Variants in GATAD2A observed in about 807,000 individuals in gnomAD.
The protein encoded by GATAD2A is GATA zinc finger domain containing 2A, also known as transcriptional repressor p66-alpha.
A neutral mutation model predicts 68.5 loss-of-function variants in GATAD2A; 12 were observed. The ratio of observed to expected loss-of-function variants is 0.18; its 90% CI spans 0.11 to 0.28. The LOEUF (loss-of-function observed/expected upper bound fraction) is 0.28, where lower values mean the gene tolerates loss of function less well. Ranked by LOEUF, GATAD2A falls within the 10% of genes least tolerant of loss-of-function variation. The probability of loss-of-function intolerance (pLI) is 1.00; values close to 1 mark genes in which losing one functional copy is unlikely to be tolerated. For synonymous variants in GATAD2A, 410 were observed against 375.3 expected, an observed-to-expected ratio of 1.09 and a Z score of -1.07; for missense variants, 755 against 868.5, an observed-to-expected ratio of 0.87 and a Z score of 1.64.
At position 19,415,812 on chromosome 19, in the gene GATAD2A, A is replaced by T. The variant is rs150380367; in HGVS notation, c.-7+9793A>T. ...TTTGTATTTTTGGTAGAGACAGGGT[A>T]TCACCATGTTGGCCAGGATGGTCTT... On this transcript the variant is annotated intron_variant, in intron 1 of 11. Transcript: ENST00000683918. Among the ~76,000 whole-genome samples the T allele has an allele frequency of 5.3e-3, 799 of 151,706 alleles. 6 individuals are homozygous for T. The highest frequency in any genetic ancestry group is 0.041 in the South Asian group (197 of 4,792).
At chr19:19,480,630 A>G (rs977634577) in intron 2 of GATAD2A, among the ~76,000 whole-genome samples, 2 of 152,150 alleles carry the variant, frequency 1.3e-5, no homozygotes, top group Non-Finnish European at 2.9e-5. Flanking sequence ...ATCGCATTTC[A>G]TGACTGCCCC....
intron 1 of GATAD2A, among the ~76,000 whole-genome samples, chr19:19,394,044 G>T (rs1170752720): frequency 6.6e-6 from 1 of 151,786 alleles, no homozygotes. Context: ...CTGCCACCAC[G>T]GCTGGCTAAT....
At chr19:19,403,951 C>T (rs1015151986), upstream of GATAD2A, among the ~76,000 whole-genome samples, 3 of 152,136 alleles carry the variant, frequency 2.0e-5, no homozygotes, top group African/African-American at 7.2e-5. Context: ...TGAATTTGAA[C>T]ATTTGAATTT....
chr19:19,492,823 A>T, intron 4 of GATAD2A, 111 bp downstream of exon 4: 1 of 1,059,320 alleles, frequency 9.4e-7, no homozygotes, highest in Non-Finnish European at 1.4e-6. Flanking sequence ...TTGAGGGAGT[A>T]TAGGGCAAGG....
At chr19:19,404,388 A>G (rs1338484634), upstream of GATAD2A, among the ~76,000 whole-genome samples, 1 of 152,190 alleles carries the variant, frequency 6.6e-6, no homozygotes, top group Non-Finnish European at 1.5e-5. Context: ...TAGAATAGAA[A>G]TAACAGTACA....
In GATAD2A at chr19:19,484,524, T is replaced by C. The variant is rs535980771; in HGVS notation, c.270-7782T>C. Among the ~76,000 whole-genome samples the C allele has an allele frequency of 8.3e-4, 122 of 146,780 alleles. 3 individuals carry two copies. In the South Asian group the frequency reaches 0.019, roughly 23 times the overall value. On this transcript the variant is annotated intron_variant, in intron 2 of 11. Coordinates refer to ENST00000683918, the MANE Select transcript of GATAD2A (RefSeq NM_001384528.1). ...TCACAGGATTTTTCTTTTTCTTTTTTTTTTTTTCTTTTTTTTTTTTTTTTT... is the reference window on the plus strand; with the variant it reads ...TCACAGGATTTTTCTTTTTCTTTTTCTTTTTTTCTTTTTTTTTTTTTTTTT...
At chr19:19,470,612 A>T (rs1167749692) in intron 2 of GATAD2A, among the ~76,000 whole-genome samples, 1 of 152,244 alleles carries the variant, frequency 6.6e-6, no homozygotes, top group Non-Finnish European at 1.5e-5. Flanking sequence ...GGAGGACTTG[A>T]AGAACATTAT....
At chr19:19,493,217 G>A (rs1004353142) in intron 4 of GATAD2A, among the ~76,000 whole-genome samples, 2 of 152,206 alleles carry the variant, frequency 1.3e-5, no homozygotes. Context: ...GGGATTACAG[G>A]CGTGAGCCAC....
chr19:19,444,603 A>G (rs562629676), intron 1 of GATAD2A, among the ~76,000 whole-genome samples: 1 of 152,274 alleles, frequency 6.6e-6, no homozygotes, highest in African/African-American at 2.4e-5. Context: ...ACCACCGTGT[A>G]TGATGCCTGT....
intron 2 of GATAD2A, among the ~76,000 whole-genome samples, chr19:19,483,984 C>T (rs1399669758): frequency 9.9e-5 from 15 of 151,948 alleles, no homozygotes; most frequent in Non-Finnish European, 2.9e-5. Context: ...CTCTTTCTAT[C>T]AGCTGAGTGT....
At chr19:19,437,024 C>G (rs2054443773) in intron 1 of GATAD2A, among the ~76,000 whole-genome samples, 1 of 152,184 alleles carries the variant, frequency 6.6e-6, no homozygotes, top group Admixed American at 6.5e-5. Context: ...GAGGTTTCAG[C>G]TCTTCATATG....
chr19:19,441,553 G>A (rs557119451), intron 1 of GATAD2A: 7 of 155,510 alleles, frequency 4.5e-5, no homozygotes, highest in African/African-American at 1.7e-4. Flanking sequence ...TTAAATTTGG[G>A]TTTGTTTTTG....
In GATAD2A at chr19:19,446,107, C is replaced by CACCGTTTTCCATGTCACTCTTACCATTTT. The variant is rs1568293100; in HGVS notation, c.-6-19230_-6-19202dup. On this transcript the variant is annotated intron_variant, in intron 1 of 11. Coordinates refer to ENST00000683918, the MANE Select transcript of GATAD2A (RefSeq NM_001384528.1). ...CACGTCACTCTACCGTTTTACTTTC[C>CACCGTTTTCCATGTCACTCTTACCATTTT]ACCGTTTTCCATGTCACTCTTACCA... Among the ~76,000 whole-genome samples the CACCGTTTTCCATGTCACTCTTACCATTTT allele has an allele frequency of 5.3e-5, 8 of 152,310 alleles. No individual in the cohort carries two copies. In the South Asian group the frequency reaches 6.2e-4, roughly 12 times the overall value.
chr19:19,388,428 C>T (rs1011754107), intron 1 of GATAD2A, among the ~76,000 whole-genome samples: 1 of 152,148 alleles, frequency 6.6e-6, no homozygotes, highest in Non-Finnish European at 1.5e-5. Context: ...AAATGTACCC[C>T]TCCTTCAGTC....
At chr19:19,414,337 C>T (rs752108390) in intron 1 of GATAD2A, among the ~76,000 whole-genome samples, 5 of 152,018 alleles carry the variant, frequency 3.3e-5, no homozygotes, top group Non-Finnish European at 4.4e-5. Context: ...GAGGCTCAAG[C>T]GGAGGAGGAG....
intron 2 of GATAD2A, among the ~76,000 whole-genome samples, chr19:19,475,971 C>CG: frequency 6.6e-6 from 1 of 152,192 alleles, no homozygotes. Context: ...TGAGCCGGCC[C>CG]GGTGCCAGGT....
chr19:19,435,726 T>G (rs2054264571), intron 1 of GATAD2A, among the ~76,000 whole-genome samples: 1 of 152,140 alleles, frequency 6.6e-6, no homozygotes, highest in Non-Finnish European at 1.5e-5. Context: ...GGTGGGTGCC[T>G]GTAGTCCCAG....
chr19:19,419,414 G>A (rs2052061658), intron 1 of GATAD2A, among the ~76,000 whole-genome samples: 1 of 152,128 alleles, frequency 6.6e-6, no homozygotes, highest in Non-Finnish European at 1.5e-5. Context: ...CTACAGCTGG[G>A]CTCAGTCCTG....
At chr19:19,469,434 A>G (rs1219867224) in intron 2 of GATAD2A, among the ~76,000 whole-genome samples, 1 of 151,902 alleles carries the variant, frequency 6.6e-6, no homozygotes, top group African/African-American at 2.4e-5. Context: ...TCCATCTCAA[A>G]AAAAAAGAAA....
Sources: gnomAD v4.1 joint callset for allele counts (sites outside exome capture counted in the v4.1 genomes callset) on GRCh38, gnomAD v4.1.1 for gene constraint, MANE v1.5 for transcripts, NCBI Gene and HGNC (gene_info 2026-07-23, HGNC 2026-07-21) for gene names.